MAGI2: variants seen among roughly 807,000 people sequenced by gnomAD.
MAGI2 encodes membrane-associated guanylate kinase, WW and PDZ domain-containing protein 2.
A neutral mutation model predicts 133.3 loss-of-function variants in MAGI2; 35 were observed. The observed-to-expected ratio is 0.26, with a 90% CI of 0.20 to 0.35. The LOEUF is 0.35. Ranked by LOEUF, MAGI2 falls within the 10% of genes least tolerant of loss-of-function variation. The probability of loss-of-function intolerance (pLI) is 1.00; values close to 1 mark genes in which losing one functional copy is unlikely to be tolerated. For missense variants in MAGI2, 1,636 were observed against 1,863.4 expected (o/e 0.88, Z 2.25); for synonymous variants, 729 against 710.6 (o/e 1.03, Z -0.41).
At chr7:78,992,607 A>G (rs1043951570) in intron 2 of MAGI2, among the ~76,000 whole-genome samples, 2 of 152,032 alleles carry the variant, frequency 1.3e-5, no homozygotes, top group African/African-American at 2.4e-5. Flanking sequence ...TTATTTTTGT[A>G]TCAGAAAACC....
In MAGI2 at chr7:78,685,560, T is replaced by C. The variant is rs1816196004; in HGVS notation, c.419-58321A>G. The stretch of plus-strand genomic sequence containing the variant: ...TACAAGAACATAACTTTTATTTCAT[T>C]TCCAGTTTTTTTGCTTAAACAACCA... On this transcript the variant is annotated intron_variant, in intron 2 of 21. Transcript: ENST00000354212. Among the ~76,000 whole-genome samples the C allele has an allele frequency of 2.1e-5, 3 of 142,100 alleles. No individual in the cohort carries two copies. The South Asian group carries it at 6.9e-4, about 33-fold the overall frequency. The allele number at this position is 142,100 out of a possible 152,430, so 93.2% of individuals were successfully genotyped here. A position where few individuals can be genotyped will look rare whatever the true frequency, so the allele number is the denominator to read the frequency against.
intron 9 of MAGI2, among the ~76,000 whole-genome samples, chr7:78,257,790 T>C (rs943862542): frequency 6.6e-6 from 1 of 152,144 alleles, no homozygotes; most frequent in Non-Finnish European, 1.5e-5. Context: ...ATATTAGGGA[T>C]GAAGAGACAT....
chr7:78,020,320 C>T (rs530440722), intron 21 of MAGI2, among the ~76,000 whole-genome samples: 13 of 152,274 alleles, frequency 8.5e-5, no homozygotes, highest in Non-Finnish European at 1.6e-4. Context: ...CTTGACAGCC[C>T]TTGAATAAAT....
At chr7:78,696,963 T>G (rs1036970112) in intron 2 of MAGI2, among the ~76,000 whole-genome samples, 7 of 142,406 alleles carry the variant, frequency 4.9e-5, no homozygotes, top group Non-Finnish European at 7.9e-5. Context: ...GCAATCAAAA[T>G]GACCCTTATT....
At chr7:78,450,250 T>C (rs954983914) in intron 6 of MAGI2, among the ~76,000 whole-genome samples, 2 of 152,048 alleles carry the variant, frequency 1.3e-5, no homozygotes, top group African/African-American at 4.8e-5. Flanking sequence ...ATTTAAACAA[T>C]ACTAACTCCT....
intron 9 of MAGI2, among the ~76,000 whole-genome samples, chr7:78,332,392 T>C (rs1161082307): frequency 6.6e-6 from 1 of 152,206 alleles, no homozygotes; most frequent in African/African-American, 2.4e-5. Context: ...CTGTATCACC[T>C]ATGTGTCATT....
At chr7:78,595,965 G>T (rs1258770153) in intron 3 of MAGI2, among the ~76,000 whole-genome samples, 2 of 152,058 alleles carry the variant, frequency 1.3e-5, no homozygotes, top group Non-Finnish European at 1.5e-5. Context: ...TTTGAATAGA[G>T]ATCAAAAGAA....
chr7:79,452,210 G>C (rs12154329), intron 1 of MAGI2, among the ~76,000 whole-genome samples: 19,459 of 152,058 alleles, frequency 0.13, 1,441 homozygotes, highest in African/African-American at 0.21. Flanking sequence ...AAGTCCATGC[G>C]GACAACCATT....
chr7:78,214,896 C>T (rs533178394), intron 10 of MAGI2, among the ~76,000 whole-genome samples: 1 of 152,312 alleles, frequency 6.6e-6, no homozygotes, highest in African/African-American at 2.4e-5. Context: ...TTTTTCGTAT[C>T]CCCAGGTTCT....
chr7:78,886,039 A>T (rs570759140), intron 2 of MAGI2, among the ~76,000 whole-genome samples: 35 of 152,358 alleles, frequency 2.3e-4, no homozygotes, highest in African/African-American at 8.2e-4. Context: ...CTCACAAGGC[A>T]GCTTCTCCTG....
chr7:78,102,256 A>G (rs1818273182), intron 20 of MAGI2, among the ~76,000 whole-genome samples: 1 of 152,214 alleles, frequency 6.6e-6, no homozygotes, highest in African/African-American at 2.4e-5. Flanking sequence ...TTACAAGATG[A>G]ATAAGTTCTA....
chr7:78,969,386 C>A (rs573722566), intron 2 of MAGI2, among the ~76,000 whole-genome samples: 1 of 152,056 alleles, frequency 6.6e-6, no homozygotes, highest in African/African-American at 2.4e-5. Context: ...CATGAGGAAG[C>A]TTTGTCTCTC....
chr7:79,245,061 T>A (rs1832722849), intron 1 of MAGI2, among the ~76,000 whole-genome samples: 1 of 152,140 alleles, frequency 6.6e-6, no homozygotes, highest in South Asian at 2.1e-4. Flanking sequence ...AAAGACTCAG[T>A]CCTAGAGGGA....
At chr7:79,164,453 C>T (rs537869257) in intron 1 of MAGI2, among the ~76,000 whole-genome samples, 3 of 151,914 alleles carry the variant, frequency 2.0e-5, no homozygotes, top group East Asian at 3.9e-4. Flanking sequence ...AGAACTAGAT[C>T]TTTTTTTTCC....
At chr7:78,871,825 TA>T (rs201593961) in intron 2 of MAGI2, among the ~76,000 whole-genome samples, 4 of 151,950 alleles carry the variant, frequency 2.6e-5, no homozygotes, top group South Asian at 2.1e-4. Flanking sequence ...CCTTTCCATT[TA>T]AAAAAAACTG....
chr7:79,314,490 A>G (rs10230177), intron 1 of MAGI2, among the ~76,000 whole-genome samples: 94,712 of 152,088 alleles, frequency 0.62, 30,335 homozygotes, highest in Non-Finnish European at 0.69. Flanking sequence ...TCAGAAGTCT[A>G]TATATGTCAC....
intron 1 of MAGI2, among the ~76,000 whole-genome samples, chr7:79,267,681 G>C (rs1834577025): frequency 6.6e-6 from 1 of 152,114 alleles, no homozygotes; most frequent in South Asian, 2.1e-4. Context: ...GAAGGTTCGA[G>C]TCTGTGGAAA....
chr7:78,600,396 G>A (rs567718962), intron 3 of MAGI2, among the ~76,000 whole-genome samples: 1 of 152,040 alleles, frequency 6.6e-6, no homozygotes. Context: ...GCAAAAAAAG[G>A]TTTAAAATAT....
chr7:78,324,153 CACACTACACT>C (rs143726218), intron 9 of MAGI2, among the ~76,000 whole-genome samples: 1,489 of 144,338 alleles, frequency 0.01, 37 homozygotes, highest in African/African-American at 0.023. Flanking sequence ...CACTACACTA[CACACTACACT>C]ACACTACACA....
Sources: gnomAD v4.1 joint callset for allele counts (sites outside exome capture counted in the v4.1 genomes callset) on GRCh38, gnomAD v4.1.1 for gene constraint, MANE v1.5 for transcripts, NCBI Gene and HGNC (gene_info 2026-07-23, HGNC 2026-07-21) for gene names.